The following ALMS1 variants were observed in gnomAD, a reference collection of about 807,000 sequenced individuals.
ALMS1 encodes centrosome-associated protein ALMS1.
Under a neutral mutation model 352.2 loss-of-function variants are expected in ALMS1, and 271 were observed. The observed-to-expected ratio is 0.77, with a 90% CI of 0.70 to 0.85. ALMS1 has a LOEUF of 0.85. ALMS1 is among the 40% of genes least tolerant of loss of function. ALMS1 has a pLI of 0.00. For missense variants in ALMS1, 5,445 were observed against 4,870.7 expected (o/e 1.12, Z -3.51); for synonymous variants, 1,865 against 1,761.2 (o/e 1.06, Z -1.48).
At position 73,573,143 on chromosome 2, in the gene ALMS1, G is replaced by A. The variant is rs34927702; in HGVS notation, c.11266G>A (p.Gly3756Ser). 6,145 of 1,613,642 alleles carry A rather than the reference G, an allele frequency of 3.8e-3. 177 individuals are homozygous for A. The African/African-American group carries it at 0.064, about 17-fold the overall frequency. ...LTDTTTNILS[G>S]TTSTVESDIL... ...AGATACTACCACCAACATCCTTTCC[G>A]GCACCACTTCTACTGTCGAATCAGA... is the stretch of plus-strand genomic sequence containing the variant. The change falls in exon 16 of 23, where the codon GGC (glycine) becomes AGC (serine). Residue 3756 changes from glycine (G) to serine (S), a missense_variant. Gly to Ser is a moderately conservative substitution (Grantham distance 56, BLOSUM62 0). Coordinates refer to ENST00000613296, the MANE Select transcript of ALMS1 (RefSeq NM_001378454.1).
At chr2:73,548,379 C>T (rs149134999) in intron 12 of ALMS1, among the ~76,000 whole-genome samples, 7 of 152,288 alleles carry the variant, frequency 4.6e-5, no homozygotes, top group East Asian at 3.9e-4. Context: ...AGTATATGTA[C>T]ATTCACTGAC....
At chr2:73,545,481 A>G (rs898356507) in intron 12 of ALMS1, among the ~76,000 whole-genome samples, 1 of 152,188 alleles carries the variant, frequency 6.6e-6, no homozygotes, top group African/African-American at 2.4e-5. Flanking sequence ...GCACGTGGTC[A>G]TGGTTACATT....
Position 73,454,011 on chromosome 2 carries a change from A to G in ALMS1, c.7484A>G (p.His2495Arg). 6.2e-7 allele frequency: 1 copy of G among 1,613,644 alleles called. No homozygotes were observed. Among genetic ancestry groups the G allele is most frequent in the East Asian group, 2.2e-5 (1 of 44,806 alleles). ...NLLQCESSLNHAKEILRNAEE... is the reference protein window; with the variant it reads ...NLLQCESSLNRAKEILRNAEE... Reference sequence around the variant, plus strand: ...CTGCAATGTGAATCCTCACTGAATCATGCTAAAGAAATACTCAGAAATGCA... The same window carrying G: ...CTGCAATGTGAATCCTCACTGAATCGTGCTAAAGAAATACTCAGAAATGCA... The change falls in exon 8 of 23, where the codon CAT becomes CGT. Residue 2495 changes from histidine to arginine, a missense_variant. His to Arg is a conservative substitution (Grantham distance 29). Coordinates refer to ENST00000613296, the MANE Select transcript of ALMS1 (RefSeq NM_001378454.1).
intron 11 of ALMS1, among the ~76,000 whole-genome samples, chr2:73,523,348 T>G (rs1393516612): frequency 6.6e-6 from 1 of 152,246 alleles, no homozygotes; most frequent in African/African-American, 2.4e-5. Context: ...TTGTCTCATT[T>G]CCTTCATTTG....
In ALMS1 at chr2:73,424,825, A is replaced by G. The variant is rs1437273019; in HGVS notation, c.1160A>G (p.His387Arg). ...AACATAGCTACTAAAAGAAGTGACC[A>G]TTTTGATGCTGCTCGTTCATATGGG... The part of the protein sequence containing the change: ...DENIATKRSD[H>R]FDAARSYGQY... The change falls in exon 5 of 23, where the codon CAT (histidine) becomes CGT (arginine). Residue 387 changes from histidine to arginine, a missense_variant. His to Arg is a conservative substitution (Grantham distance 29). Transcript: ENST00000613296. The G allele has an allele frequency of 1.2e-6, 2 of 1,609,132 alleles. No homozygotes were observed. Among genetic ancestry groups the G allele is most frequent in the Non-Finnish European group, 1.7e-6 (2 of 1,176,790 alleles).
At chr2:73,594,143 C>G (rs1430681835) in intron 16 of ALMS1, among the ~76,000 whole-genome samples, 1 of 152,172 alleles carries the variant, frequency 6.6e-6, no homozygotes, top group African/African-American at 2.4e-5. Context: ...ATTTGAGGAA[C>G]TGCCAGACTT....
Position 73,424,745 on chromosome 2 carries a change from T to C in ALMS1, c.1080T>C (p.Asn360=), listed in dbSNP as rs1249497177. The change falls in exon 5 of 23, where the codon AAT becomes AAC. Residue 360 remains asparagine (N), a synonymous_variant. Coordinates refer to ENST00000613296, the MANE Select transcript of ALMS1 (RefSeq NM_001378454.1). ...AAGATACACAGTGGCCTGAAAACAATTTAGCTGATAAAGATCAAGTTTCAG... is the reference window on the plus strand; with the variant it reads ...AAGATACACAGTGGCCTGAAAACAACTTAGCTGATAAAGATCAAGTTTCAG... ...TRKDTQWPEN[N]LADKDQVSVA... 1 of 1,613,936 alleles carries C rather than the reference T, an allele frequency of 6.2e-7. No individual in the cohort carries two copies. Among genetic ancestry groups the C allele is most frequent in the Non-Finnish European group, 8.5e-7 (1 of 1,179,960 alleles).
Position 73,451,009 on chromosome 2 carries a change from T to C in ALMS1, c.4482T>C (p.His1494=), listed in dbSNP as rs1001730544. Residue 1494 remains histidine, a synonymous_variant, in exon 8 of 23, where the codon CAT becomes CAC. Transcript: ENST00000613296. The part of the protein sequence containing the change: ...VIYKQAFPEG[H]LPEESLKVSV... ...ACAAACAGGCCTTTCCAGAGGGTCA[T>C]CTACCTGAAGAGTCTCTGAAAGTTT... 4 of 1,613,944 alleles carry C rather than the reference T, an allele frequency of 2.5e-6. No individual in the cohort carries two copies. Among genetic ancestry groups the C allele is most frequent in the Non-Finnish European group, 3.4e-6 (4 of 1,179,934 alleles).
Position 73,447,980 on chromosome 2 carries a change from A to G in ALMS1, c.1453A>G (p.Ile485Val), listed in dbSNP as rs73945001. ...LKAGDTSKGGIAKVTQSNLKS... is the reference protein window; with the variant it reads ...LKAGDTSKGGVAKVTQSNLKS... The stretch of plus-strand genomic sequence containing the variant: ...TTTAGGAGACACTTCTAAAGGAGGC[A>G]TAGCTAAAGTTACTCAATCCAACTT... The change falls in exon 8 of 23, where the codon ATA (isoleucine) becomes GTA (valine). Residue 485 changes from isoleucine (I) to valine (V), a missense_variant. Ile to Val is a conservative substitution (Grantham distance 29, BLOSUM62 3). Coordinates refer to ENST00000613296, the MANE Select transcript of ALMS1 (RefSeq NM_001378454.1). The G allele has an allele frequency of 1.7e-3, 2,790 of 1,612,516 alleles. 5 individuals carry two copies. Among genetic ancestry groups the G allele is most frequent in the Admixed American group, 3.6e-3 (215 of 59,846 alleles).
chr2:73,505,846 T>G (rs1454932865), intron 10 of ALMS1, among the ~76,000 whole-genome samples: 2 of 152,222 alleles, frequency 1.3e-5, no homozygotes, highest in East Asian at 3.8e-4. Context: ...TTTTGGTGTT[T>G]TAGTCATGAA....
At chr2:73,432,403 C>A (rs1246796985) in intron 7 of ALMS1, 112 bp downstream of exon 7, 1 of 724,616 alleles carries the variant, frequency 1.4e-6, no homozygotes, top group African/African-American at 1.9e-5. Flanking sequence ...AATTATACTT[C>A]AGATTAGATG....
chr2:73,532,531 G>T (rs760116479), intron 11 of ALMS1, among the ~76,000 whole-genome samples: 20 of 152,182 alleles, frequency 1.3e-4, no homozygotes, highest in Admixed American at 1.3e-3. Context: ...TGTGGTGACT[G>T]CTGGCTGCCT....
intron 10 of ALMS1, among the ~76,000 whole-genome samples, chr2:73,499,623 T>C (rs181980740): frequency 6.6e-6 from 1 of 152,318 alleles, no homozygotes; most frequent in East Asian, 1.9e-4. Context: ...TGTCAGGGAA[T>C]TCTGATATCT....
In ALMS1 at chr2:73,389,999, C is replaced by T. The variant is rs557161935; in HGVS notation, c.324+3807C>T. Among the ~76,000 whole-genome samples, 5 of 152,216 alleles carry T rather than the reference C, an allele frequency of 3.3e-5. 1 individual carries two copies. The South Asian group carries it at 1.0e-3, about 32-fold the overall frequency. ...ACCGCGCCCGGCCTCTAATCGTGAACTATCTATGGGTAATAGAAAATCTTA... is the reference window on the plus strand; with the variant it reads ...ACCGCGCCCGGCCTCTAATCGTGAATTATCTATGGGTAATAGAAAATCTTA... On this transcript the variant is annotated intron_variant, in intron 1 of 22. Coordinates refer to ENST00000613296, the MANE Select transcript of ALMS1 (RefSeq NM_001378454.1).
intron 13 of ALMS1, among the ~76,000 whole-genome samples, chr2:73,554,672 C>T (rs1674506976): frequency 6.6e-6 from 1 of 152,100 alleles, no homozygotes; most frequent in African/African-American, 2.4e-5. Context: ...AAGATCACGC[C>T]ACTGCACTCC....
At chr2:73,462,294 C>G (rs1314606559) in intron 9 of ALMS1, among the ~76,000 whole-genome samples, 2 of 152,034 alleles carry the variant, frequency 1.3e-5, no homozygotes, top group African/African-American at 2.4e-5. Context: ...AGAGTGGGGG[C>G]CAATATTCAA....
chr2:73,535,231 T>C (rs1674002673), intron 12 of ALMS1, among the ~76,000 whole-genome samples: 1 of 152,248 alleles, frequency 6.6e-6, no homozygotes, highest in Admixed American at 6.5e-5. Context: ...ACAGTACCCT[T>C]AGTTGTTTCA....
At chr2:73,521,117 T>A (rs1162585501) in intron 11 of ALMS1, among the ~76,000 whole-genome samples, 1 of 152,322 alleles carries the variant, frequency 6.6e-6, no homozygotes, top group Non-Finnish European at 1.5e-5. Context: ...TTCTTGAACA[T>A]TTTTCTTGTG....
At chr2:73,597,811 G>C (rs933973149) in intron 16 of ALMS1, among the ~76,000 whole-genome samples, 2 of 148,434 alleles carry the variant, frequency 1.3e-5, no homozygotes, top group African/African-American at 5.0e-5. Context: ...CATCAAAGTT[G>C]CTGCCATTCC....
Sources: allele counts gnomAD v4.1 joint callset (sites outside exome capture counted in the v4.1 genomes callset), GRCh38; gene constraint gnomAD v4.1.1; transcripts MANE v1.5; gene names NCBI Gene and HGNC (gene_info 2026-07-23, HGNC 2026-07-21).